NOC2L: variants seen among roughly 807,000 people sequenced by gnomAD.
NOC2L encodes nucleolar complex protein 2 homolog.
A neutral mutation model predicts 94.2 loss-of-function variants in NOC2L; 101 were observed. That is an observed-to-expected ratio of 1.07 (90% CI 0.91 to 1.26). The LOEUF is 1.26. Among genes scored for constraint, NOC2L ranks in the 50% most tolerant of loss-of-function variants. NOC2L has a pLI of 0.00. For synonymous variants in NOC2L, 531 were observed against 413.4 expected (o/e 1.28, Z -3.45); for missense variants, 1,076 against 980.1 (o/e 1.10, Z -1.31).
intron 17 of NOC2L, 100 bp downstream of exon 17, chr1:945,418 G>A (rs1178238359): frequency 3.5e-6 from 5 of 1,414,886 alleles, no homozygotes; most frequent in East Asian, 4.6e-5. Flanking sequence ...AGACTGGTGA[G>A]CCCCCTGCAG....
At chr1:955,664 C>G (rs1642381333) in intron 6 of NOC2L, among the ~76,000 whole-genome samples, 1 of 152,228 alleles carries the variant, frequency 6.6e-6, no homozygotes, top group South Asian at 2.1e-4. Context: ...GCAAAGGCAG[C>G]TGCACACGCC....
At chr1:945,188 G>T in intron 17 of NOC2L, 42 bp from the exon 18 acceptor site, 1 of 1,552,710 alleles carries the variant, frequency 6.4e-7, no homozygotes. Flanking sequence ...CCCACCCACA[G>T]GGTCCACCAG....
chr1:948,161 G>A lies in NOC2L; in HGVS notation c.1629C>T (p.Phe543=), dbSNP rs932468600. 1.5e-5 allele frequency: 24 copies of A among 1,592,132 alleles called. No homozygotes were observed. Among genetic ancestry groups the A allele is most frequent in the Admixed American group, 3.5e-5 (2 of 57,368 alleles). The stretch of plus-strand genomic sequence containing the variant: ...GGACCACAGGCAGCACCAGCTCCGG[G>A]AAGCCGATGCAGTGTGCCTGGCTGT... ...YLHSQAHCIG[F]PELVLPVVLQ... The change falls in exon 14 of 19, where the codon TTC becomes TTT. Residue 543 remains phenylalanine (F), a synonymous_variant. Coordinates refer to ENST00000327044, the MANE Select transcript of NOC2L (RefSeq NM_015658.4).
chr1:951,276 T>G, intron 11 of NOC2L, 38 bp from the exon 12 acceptor site: 1 of 1,470,002 alleles, frequency 6.8e-7, no homozygotes, highest in Middle Eastern at 1.7e-4. Flanking sequence ...AGGCCCCGGC[T>G]CTGGCAGCCC....
chr1:945,971 G>C (rs1223397477), intron 16 of NOC2L, among the ~76,000 whole-genome samples: 1 of 152,226 alleles, frequency 6.6e-6, no homozygotes, highest in Non-Finnish European at 1.5e-5. Context: ...ACCTAGTGCA[G>C]CCTGGGGCTT....
chr1:956,696 C>T (rs552332551), intron 4 of NOC2L, among the ~76,000 whole-genome samples, 198 bp downstream of exon 4: 2 of 152,216 alleles, frequency 1.3e-5, no homozygotes, highest in African/African-American at 2.4e-5. Flanking sequence ...TTGTCACTTG[C>T]GCTGAAGAAG....
intron 6 of NOC2L, among the ~76,000 whole-genome samples, chr1:955,274 C>T (rs910838283): frequency 6.6e-6 from 1 of 152,248 alleles, no homozygotes; most frequent in East Asian, 1.9e-4. Context: ...TCTCCTGAGC[C>T]GCTGTCGGCG....
At chr1:948,019 C>T (rs1031341071) in intron 14 of NOC2L, 112 bp downstream of exon 14, 5 of 821,492 alleles carry the variant, frequency 6.1e-6, no homozygotes, top group Non-Finnish European at 9.9e-6. Context: ...AGTCAGGTTC[C>T]ACCCCAGTCC....
intron 9 of NOC2L, 67 bp downstream of exon 9, chr1:953,108 G>GC: frequency 8.4e-7 from 1 of 1,189,852 alleles, no homozygotes; most frequent in Non-Finnish European, 1.2e-6. Context: ...AAGGCAGCCC[G>GC]CCCTGCCCTT....
rs144411515 is a variant in NOC2L at position 947,999 on chromosome 1, C to T, written c.1659+132G>A. 3.2e-4 allele frequency: 228 copies of T among 703,728 alleles called. No individual in the cohort carries two copies. In the African/African-American group the frequency reaches 3.3e-3, roughly 10 times the overall value. The allele number at this position is 703,728 out of a possible 1,614,324, so 43.6% of individuals were successfully genotyped here. On this transcript the variant is annotated intron_variant, in intron 14 of 18. Transcript: ENST00000327044. ...CCCTCCAAGGGGGCCTCACGGGGCG[C>T]GTTGCCAGCAGTCAGGTTCCACCCC...
At chr1:954,342 A>G (rs1449267797) in intron 6 of NOC2L, 6 of 453,548 alleles carry the variant, frequency 1.3e-5, no homozygotes, top group South Asian at 9.3e-5. Context: ...CCGCCCTAAG[A>G]GTCCCCGGAA....
chr1:954,390 T>C (rs1339622729), intron 6 of NOC2L: 7 of 360,886 alleles, frequency 1.9e-5, no homozygotes, highest in African/African-American at 1.0e-4. Context: ...ATAAACCTTT[T>C]CTAGGTCCCC....
Position 958,975 on chromosome 1 carries a change from C to T in NOC2L, c.133G>A (p.Glu45Lys), listed in dbSNP as rs1227644216. 6.2e-7 allele frequency: 1 copy of T among 1,612,772 alleles called. No individual in the cohort carries two copies. Among genetic ancestry groups the T allele is most frequent in the Admixed American group, 1.7e-5 (1 of 60,024 alleles). Residue 45 changes from glutamate to lysine, a missense_variant, in exon 2 of 19, where the codon GAG becomes AAG. Physicochemically the swap from Glu to Lys is moderately conservative, Grantham distance 56. Transcript: ENST00000327044. The stretch of plus-strand genomic sequence containing the variant: ...GGCTTATCCGGACTCCGGGCAGCCT[C>T]GCGTGCTTCCCGTGTCTCCGCTTGT... ...SPQAETREAR[E>K]AARSPDKPGG... is the part of the protein sequence containing the mutation.
In NOC2L at chr1:944,583, C is replaced by A; in HGVS notation, c.*111G>T. The A allele has an allele frequency of 1.5e-6, 1 of 674,866 alleles. No individual in the cohort carries two copies. The highest frequency in any genetic ancestry group is 1.8e-5 in the South Asian group (1 of 56,920). The allele number at this position is 674,866 out of a possible 1,614,324, so 41.8% of individuals were successfully genotyped here. ...ATAAATAATAAAGCCTGTCCCGTGT[C>A]TACTGCCTCCCCCAACTGCACAGAC... On this transcript the variant is annotated 3_prime_UTR_variant, in exon 19 of 19. Coordinates refer to ENST00000327044, the MANE Select transcript of NOC2L (RefSeq NM_015658.4).
chr1:953,478 G>A (rs189829246), intron 8 of NOC2L, among the ~76,000 whole-genome samples, 190 bp from the exon 9 acceptor site: 25 of 152,366 alleles, frequency 1.6e-4, no homozygotes, highest in African/African-American at 4.3e-4. Context: ...CTCCTTGTGA[G>A]AAGAGGACCA....
rs745447109 is a variant in NOC2L at position 946,496 on chromosome 1, A to G, written c.1709T>C (p.Val570Ala). ...CTGAACCTTCCCAAGCAGCTGCTGC[A>G]CCTGCCGGCAGTAGTTGGCCACCTT... is the stretch of plus-strand genomic sequence containing the variant. Reference protein sequence around the residue: ...ECKVANYCRQVQQLLGKVQEN... With the variant: ...ECKVANYCRQAQQLLGKVQEN... Residue 570 changes from valine to alanine, a missense_variant, in exon 15 of 19, where the codon GTG becomes GCG. Physicochemically the swap from Val to Ala is moderately conservative, Grantham distance 64. Transcript: ENST00000327044. 1.9e-6 allele frequency: 3 copies of G among 1,612,850 alleles called. No homozygotes were observed. The African/African-American group carries it at 4.0e-5, about 22-fold the overall frequency.
chr1:955,657 A>C (rs1333746183), intron 6 of NOC2L, among the ~76,000 whole-genome samples: 1 of 152,206 alleles, frequency 6.6e-6, no homozygotes, highest in African/African-American at 2.4e-5. Flanking sequence ...TCTGAGAGCA[A>C]AGGCAGCTGC....
At chr1:957,342 G>A (rs770899582) in intron 2 of NOC2L, 69 bp from the exon 3 acceptor site, 118 of 1,479,096 alleles carry the variant, frequency 8.0e-5, no homozygotes, top group Non-Finnish European at 1.0e-4. Flanking sequence ...GGCCTACAGG[G>A]TCAGTCTACT....
chr1:945,403 G>T, intron 17 of NOC2L, 115 bp downstream of exon 17: 2 of 1,328,198 alleles, frequency 1.5e-6, no homozygotes, highest in Non-Finnish European at 1.0e-6. Flanking sequence ...CCCCAGCTGG[G>T]CCAGAGACTG....
Sources: allele counts gnomAD v4.1 joint callset (sites outside exome capture counted in the v4.1 genomes callset), GRCh38; gene constraint gnomAD v4.1.1; transcripts MANE v1.5; gene names NCBI Gene and HGNC (gene_info 2026-07-23, HGNC 2026-07-21).